Variants in EP400 observed in about 807,000 individuals in gnomAD.
EP400 encodes the protein E1A-binding protein p400.
EP400 carries 105 observed loss-of-function variants against 354.1 expected under a neutral mutation model. The observed-to-expected ratio is 0.30, with a 90% confidence interval of 0.25 to 0.35. The LOEUF (loss-of-function observed/expected upper bound fraction) is 0.35. Ranked by LOEUF, EP400 falls within the 10% of genes least tolerant of loss-of-function variation. EP400 has a pLI of 1.00. For missense variants in EP400, 3,280 were observed against 4,121.0 expected (o/e 0.80, Z 5.59); for synonymous variants, 1,646 against 1,716.9 (o/e 0.96, Z 1.02).
intron 1 of EP400, among the ~76,000 whole-genome samples, chr12:131,958,241 C>T (rs1455540526): frequency 1.3e-5 from 2 of 152,150 alleles, no homozygotes; most frequent in African/African-American, 2.4e-5. Flanking sequence ...ACTGCCCCCA[C>T]CTGGAGCTCC....
At position 132,050,430 on chromosome 12, in the gene EP400, T is replaced by A. The variant is rs773876913; in HGVS notation, c.7308T>A (p.Ala2436=). 6.2e-7 allele frequency: 1 copy of A among 1,614,210 alleles called. No individual in the cohort carries two copies. Among genetic ancestry groups the A allele is most frequent in the Non-Finnish European group, 8.5e-7 (1 of 1,180,046 alleles). Residue 2436 remains alanine (A), a synonymous_variant, in exon 40 of 53, where the codon GCT becomes GCA. Coordinates refer to ENST00000389561, the MANE Select transcript of EP400 (RefSeq NM_015409.5). The surrounding 1 kb of genome is among the most constrained non-coding windows in gnomAD (Gnocchi z 4.8). ...ACTTTGACTTAATGAAAATGACTGCTGGCAAGAGGAGTCCCCCAATCAAAC... is the reference window on the plus strand; with the variant it reads ...ACTTTGACTTAATGAAAATGACTGCAGGCAAGAGGAGTCCCCCAATCAAAC... ...TSHFDLMKMT[A]GKRSPPIKPL... is the part of the protein sequence containing the mutation.
chr12:131,970,492 G>A (rs964343665), intron 2 of EP400, among the ~76,000 whole-genome samples: 1 of 152,188 alleles, frequency 6.6e-6, no homozygotes, highest in African/African-American at 2.4e-5. Context: ...GGACACATGT[G>A]CAGTAATGTT....
In EP400 at chr12:132,017,394, C is replaced by T; in HGVS notation, c.3924-141C>T. The T allele has an allele frequency of 2.6e-6, 2 of 780,600 alleles. No individual in the cohort carries two copies. 48.4% of individuals were successfully genotyped at this position (780,600 alleles called of 1,614,324 possible). ...TGCCTGGGATGTGGACTTGAATGGC[C>T]ACTCTGTCTAACTCATTAAGCGGAC... On this transcript the variant is annotated intron_variant, in intron 19 of 52. Transcript: ENST00000389561. The surrounding 1 kb of genome is among the most constrained non-coding windows in gnomAD (Gnocchi z 5.0).
rs1391639281 is a variant in EP400 at position 132,017,054 on chromosome 12, G to A, written c.3924-481G>A. On this transcript the variant is annotated intron_variant, in intron 19 of 52. Coordinates refer to ENST00000389561, the MANE Select transcript of EP400 (RefSeq NM_015409.5). This position sits in a 1 kb window ranked among gnomAD's most constrained non-coding sequence, Gnocchi z 5.0. ...CCCAGCCCTGGTCCCAGTGTGCGTT[G>A]TAGGTCCTTCTGTCTGCCCCCTTCA... 6.6e-6 allele frequency among the ~76,000 whole-genome samples: 1 copy of A among 152,220 alleles called. No homozygotes were observed. Among genetic ancestry groups the A allele is most frequent in the African/African-American group, 2.4e-5 (1 of 41,460 alleles).
chr12:132,044,044 G>T, intron 34 of EP400, 133 bp from the exon 35 acceptor site: 1 of 1,275,268 alleles, frequency 7.8e-7, no homozygotes, highest in East Asian at 2.3e-5. Flanking sequence ...TGCTTGTGGG[G>T]GTGATGCATT....
rs1565924702 is a variant in EP400, at chr12:132,037,668, T to A, written c.5952-14T>A. On this transcript the variant is annotated splice_polypyrimidine_tract_variant and intron_variant, in intron 30 of 52. Coordinates refer to ENST00000389561, the MANE Select transcript of EP400 (RefSeq NM_015409.5). ...CTGGTGACTGACTTAGCATCTTACA[T>A]CTTTTGTTTGCAGGCTTGTGAGTGG... 1 of 1,609,594 alleles carries A rather than the reference T, an allele frequency of 6.2e-7. No individual in the cohort carries two copies. The highest frequency in any genetic ancestry group is 1.7e-5 in the Admixed American group (1 of 60,020).
intron 4 of EP400, 26 bp downstream of exon 4, chr12:131,981,622 C>T (rs1892683679): frequency 1.7e-5 from 27 of 1,569,192 alleles, no homozygotes; most frequent in Non-Finnish European, 2.3e-5. Flanking sequence ...AGAGCCAGCT[C>T]CCCGCTCAGG....
chr12:132,018,152 T>C lies in EP400; in HGVS notation c.4111-58T>C. ...CCCTGCCATAGAAATCAGTTTTGAT[T>C]CTTAGGTGCTTTTTTTGCCTCTTCA... On this transcript the variant is annotated intron_variant, in intron 20 of 52. Coordinates refer to ENST00000389561, the MANE Select transcript of EP400 (RefSeq NM_015409.5). This position sits in a 1 kb window ranked among gnomAD's most constrained non-coding sequence, Gnocchi z 4.0. 1 of 1,595,694 alleles carries C rather than the reference T, an allele frequency of 6.3e-7. No individual in the cohort carries two copies. The highest frequency in any genetic ancestry group is 1.8e-5 in the Admixed American group (1 of 54,406).
At chr12:131,995,655 T>C (rs1893185178) in intron 12 of EP400, among the ~76,000 whole-genome samples, 1 of 149,238 alleles carries the variant, frequency 6.7e-6, no homozygotes, top group African/African-American at 2.5e-5. Context: ...CCGTTCATCC[T>C]GAGTGTGTGA....
chr12:132,045,660 T>C, intron 38 of EP400, 67 bp from the exon 39 acceptor site: 3 of 1,603,854 alleles, frequency 1.9e-6, no homozygotes, highest in Non-Finnish European at 2.6e-6. Flanking sequence ...AGGGAGTCTT[T>C]GGCAAGAGGG....
At position 132,006,855 on chromosome 12, in the gene EP400, T is replaced by G; in HGVS notation, c.3282T>G (p.Phe1094Leu). Residue 1094 changes from phenylalanine to leucine, a missense_variant, in exon 15 of 53, where the codon TTT (phenylalanine) becomes TTG (leucine). Physicochemically the swap from Phe to Leu is conservative, Grantham distance 22 (BLOSUM62 0). Around this residue, in one of 20 missense-constraint regions of EP400, gnomAD observed 242 missense variants for 357.9 expected, o/e 0.68. Coordinates refer to ENST00000389561, the MANE Select transcript of EP400 (RefSeq NM_015409.5). ...LGKTVQIIAF[F>L]AHLACNEGNW... ...AAACAGTGCAGATCATTGCTTTTTT[T>G]GCCCACCTAGCTTGTAACGAAGGTA... 1 of 1,613,944 alleles carries G rather than the reference T, an allele frequency of 6.2e-7. No individual in the cohort carries two copies. Among genetic ancestry groups the G allele is most frequent in the Non-Finnish European group, 8.5e-7 (1 of 1,179,988 alleles).
chr12:132,040,591 A>C (rs77722344), intron 32 of EP400, among the ~76,000 whole-genome samples: 1,918 of 152,346 alleles, frequency 0.013, 49 homozygotes, highest in South Asian at 0.094. Flanking sequence ...AGGCACTGTT[A>C]TAAGCAGTGG....
At chr12:132,021,519 G>A (rs755740551) in intron 23 of EP400, among the ~76,000 whole-genome samples, 198 bp downstream of exon 23, 1 of 152,242 alleles carries the variant, frequency 6.6e-6, no homozygotes, top group Non-Finnish European at 1.5e-5. Flanking sequence ...GCCACATCCG[G>A]CCTTCTCCTG....
Position 131,994,485 on chromosome 12 carries a change from GGA to G in EP400, c.2738-378_2738-377del, listed in dbSNP as rs1162961401. 1.3e-5 allele frequency among the ~76,000 whole-genome samples: 2 copies of G among 152,144 alleles called. No homozygotes were observed. Among genetic ancestry groups the G allele is most frequent in the African/African-American group, 4.8e-5 (2 of 41,424 alleles). ...TGATTGTGGAGGACAGGAGAGTCAA[GGA>G]GAGTGTTAGGCTGATGTGGCTGGGC... On this transcript the variant is annotated intron_variant, in intron 11 of 52. Coordinates refer to ENST00000389561, the MANE Select transcript of EP400 (RefSeq NM_015409.5). The surrounding 1 kb of genome is among the most constrained non-coding windows in gnomAD (Gnocchi z 4.6).
intron 30 of EP400, among the ~76,000 whole-genome samples, chr12:132,036,989 A>G (rs551642648): frequency 2.0e-5 from 3 of 152,254 alleles, no homozygotes; most frequent in African/African-American, 7.2e-5. Context: ...TTTTGTTTTC[A>G]TCTCTGAAAA....
intron 32 of EP400, among the ~76,000 whole-genome samples, chr12:132,042,563 A>G (rs1363752750): frequency 3.3e-5 from 5 of 152,194 alleles, no homozygotes; most frequent in African/African-American, 1.2e-4. Context: ...ATCTGGCAAT[A>G]AGTTCTGTGT....
chr12:131,950,600 C>G (rs373295715), intron 1 of EP400, among the ~76,000 whole-genome samples: 1 of 147,940 alleles, frequency 6.8e-6, no homozygotes, highest in Non-Finnish European at 1.5e-5. Flanking sequence ...GAATCCGCTC[C>G]TTCTCGGCGT....
In EP400 at chr12:132,006,844, A is replaced by G. The variant is rs976426740; in HGVS notation, c.3271A>G (p.Ile1091Val). The G allele has an allele frequency of 1.2e-6, 2 of 1,613,344 alleles. No individual in the cohort carries two copies. Among genetic ancestry groups the G allele is most frequent in the African/African-American group, 1.3e-5 (1 of 74,896 alleles). The change falls in exon 15 of 53, where the codon ATT becomes GTT. Residue 1091 changes from isoleucine (I) to valine (V), a missense_variant. Coordinates refer to ENST00000389561, the MANE Select transcript of EP400 (RefSeq NM_015409.5). ...EAGLGKTVQI[I>V]AFFAHLACNE... Reference sequence around the variant, plus strand: ...TGGGCTGGGTAAAACAGTGCAGATCATTGCTTTTTTTGCCCACCTAGCTTG... The same window carrying G: ...TGGGCTGGGTAAAACAGTGCAGATCGTTGCTTTTTTTGCCCACCTAGCTTG...
intron 15 of EP400, 27 bp from the exon 16 acceptor site, chr12:132,011,471 T>A: frequency 6.2e-7 from 1 of 1,611,390 alleles, no homozygotes. Context: ...TACTTTGACG[T>A]GGAAAATTCT....
Sources: gnomAD v4.1 joint callset for allele counts (sites outside exome capture counted in the v4.1 genomes callset) on GRCh38, gnomAD v4.1.1 for gene constraint, gnomAD v4.1.1 regional missense constraint, Gnocchi (gnomAD v3.1) non-coding constraint, MANE v1.5 for transcripts, NCBI Gene and HGNC (gene_info 2026-07-23, HGNC 2026-07-21) for gene names.